FARP1: variants seen among roughly 807,000 people sequenced by gnomAD.
The protein encoded by FARP1 is FERM, ARHGEF and pleckstrin domain-containing protein 1.
In FARP1, 52 loss-of-function variants were observed where a neutral mutation model predicts 128.8. That is an observed-to-expected ratio of 0.40 (90% CI 0.32 to 0.51). The LOEUF is 0.51. Among genes scored for constraint, FARP1 ranks in the 20% least tolerant of loss-of-function variants. The probability of loss-of-function intolerance (pLI) is 0.45; values close to 1 mark genes in which losing one functional copy is unlikely to be tolerated. For synonymous variants in FARP1, 580 were observed against 551.8 expected (o/e 1.05, Z -0.72); for missense variants, 1,333 against 1,367.9 (o/e 0.97, Z 0.40).
intron 26 of FARP1, 50 bp from the exon 27 acceptor site, chr13:98,448,186 A>G (rs1215008028): frequency 3.4e-6 from 5 of 1,481,880 alleles, no homozygotes; most frequent in Non-Finnish European, 4.7e-6. Context: ...CCAAAGTGTC[A>G]GGAGTCCGTC....
At chr13:98,348,631 C>T (rs552756996) in intron 3 of FARP1, among the ~76,000 whole-genome samples, 7 of 152,328 alleles carry the variant, frequency 4.6e-5, no homozygotes, top group Admixed American at 3.9e-4. Flanking sequence ...CAGAAGCATC[C>T]GTAGACGATG....
chr13:98,393,059 G>C (rs957205487), intron 11 of FARP1, among the ~76,000 whole-genome samples: 2 of 152,166 alleles, frequency 1.3e-5, no homozygotes, highest in Non-Finnish European at 2.9e-5. Flanking sequence ...TTCAGTGCCT[G>C]TTTGATGGGG....
chr13:98,357,660 T>C (rs1243820400), intron 3 of FARP1, among the ~76,000 whole-genome samples: 2 of 152,196 alleles, frequency 1.3e-5, no homozygotes, highest in Admixed American at 1.3e-4. Flanking sequence ...AGAATAATTA[T>C]TTTCATGTCC....
At chr13:98,205,401 G>A (rs1880205463) in intron 1 of FARP1, among the ~76,000 whole-genome samples, 1 of 151,674 alleles carries the variant, frequency 6.6e-6, no homozygotes, top group Non-Finnish European at 1.5e-5. Context: ...TCAGTTCTCT[G>A]TGTTTTTTTT....
chr13:98,339,552 T>C (rs561496970), intron 2 of FARP1, among the ~76,000 whole-genome samples: 1 of 152,312 alleles, frequency 6.6e-6, no homozygotes, highest in South Asian at 2.1e-4. Context: ...TGGGTGCATT[T>C]CAGCCCTTAG....
At chr13:98,227,905 G>A (rs565042119) in intron 2 of FARP1, among the ~76,000 whole-genome samples, 5 of 152,312 alleles carry the variant, frequency 3.3e-5, no homozygotes, top group Admixed American at 2.0e-4. Context: ...CTACTAATAT[G>A]GGGTACATAA....
intron 1 of FARP1, among the ~76,000 whole-genome samples, chr13:98,164,894 A>G (rs1877133860): frequency 6.6e-6 from 1 of 151,780 alleles, no homozygotes; most frequent in African/African-American, 2.4e-5. Context: ...AGCCTGGCCA[A>G]CACGGTGAAA....
In FARP1 at chr13:98,440,317, C is replaced by T. The variant is rs571329770; in HGVS notation, c.2629+82C>T. On this transcript the variant is annotated intron_variant, in intron 23 of 26. Coordinates refer to ENST00000319562, the MANE Select transcript of FARP1 (RefSeq NM_005766.4). Reference sequence around the variant, plus strand: ...ATTTCTGCATCTAAAGCCACCCCATCGGGTAGGCCTCACATCCGTGGTGTA... The same window carrying T: ...ATTTCTGCATCTAAAGCCACCCCATTGGGTAGGCCTCACATCCGTGGTGTA... 15 of 980,156 alleles carry T rather than the reference C, an allele frequency of 1.5e-5. No homozygotes were observed. The East Asian group carries it at 1.9e-4, about 12-fold the overall frequency. 60.7% of individuals were successfully genotyped at this position (980,156 alleles called of 1,614,324 possible). A position where few individuals can be genotyped will look rare whatever the true frequency, so the allele number is the denominator to read the frequency against.
intron 1 of FARP1, among the ~76,000 whole-genome samples, chr13:98,189,798 G>C (rs1180358268): frequency 6.6e-6 from 1 of 152,094 alleles, no homozygotes; most frequent in African/African-American, 2.4e-5. Context: ...AGTTATAGAT[G>C]GTGTATTATC....
chr13:98,287,616 C>T (rs1354712161), intron 2 of FARP1, among the ~76,000 whole-genome samples: 3 of 151,978 alleles, frequency 2.0e-5, no homozygotes, highest in Non-Finnish European at 4.4e-5. Flanking sequence ...TGTTTGCCCC[C>T]TACCTGTTAT....
At chr13:98,356,440 G>T (rs1888645325) in intron 3 of FARP1, among the ~76,000 whole-genome samples, 1 of 152,052 alleles carries the variant, frequency 6.6e-6, no homozygotes, top group African/African-American at 2.4e-5. Context: ...TACCACTGAC[G>T]TATTATGCGC....
At chr13:98,187,288 A>G (rs1394415450) in intron 1 of FARP1, among the ~76,000 whole-genome samples, 1 of 152,194 alleles carries the variant, frequency 6.6e-6, no homozygotes, top group Non-Finnish European at 1.5e-5. Flanking sequence ...TGTTCTTTCA[A>G]CATATCTCAT....
At chr13:98,376,008 A>G (rs1889565406) in intron 5 of FARP1, among the ~76,000 whole-genome samples, 1 of 152,166 alleles carries the variant, frequency 6.6e-6, no homozygotes, top group Admixed American at 6.5e-5. Flanking sequence ...CTAGATATCT[A>G]AAAATCTATG....
chr13:98,277,486 A>G (rs1016059420), intron 2 of FARP1, among the ~76,000 whole-genome samples: 32 of 152,276 alleles, frequency 2.1e-4, no homozygotes, highest in African/African-American at 7.2e-4. Context: ...ATTAACATCT[A>G]CAAAGAGATG....
chr13:98,235,565 C>T (rs1015493849), intron 2 of FARP1, among the ~76,000 whole-genome samples: 1 of 152,038 alleles, frequency 6.6e-6, no homozygotes, highest in African/African-American at 2.4e-5. Context: ...AACATTTGAC[C>T]GATAGCTTAG....
intron 1 of FARP1, among the ~76,000 whole-genome samples, chr13:98,158,303 T>C: frequency 6.6e-6 from 1 of 152,224 alleles, no homozygotes; most frequent in East Asian, 1.9e-4. Flanking sequence ...GCTACACATA[T>C]AAAAAGTCAT....
At chr13:98,308,199 GT>G (rs948312940) in intron 2 of FARP1, among the ~76,000 whole-genome samples, 7 of 152,000 alleles carry the variant, frequency 4.6e-5, no homozygotes, top group African/African-American at 1.7e-4. Flanking sequence ...TGTTTACGTG[GT>G]TTTTCCCAAA....
At chr13:98,343,430 T>C (rs1888051727) in intron 2 of FARP1, among the ~76,000 whole-genome samples, 1 of 150,312 alleles carries the variant, frequency 6.7e-6, no homozygotes. Context: ...AACGGGACAC[T>C]GTGTAGCGCG....
chr13:98,367,295 T>G (rs1348791060), intron 4 of FARP1, among the ~76,000 whole-genome samples: 1 of 152,108 alleles, frequency 6.6e-6, no homozygotes, highest in Non-Finnish European at 1.5e-5. Context: ...TAGCTGGGAT[T>G]ATAGGCGCCC....
Sources: gnomAD v4.1 joint callset for allele counts (sites outside exome capture counted in the v4.1 genomes callset) on GRCh38, gnomAD v4.1.1 for gene constraint, MANE v1.5 for transcripts, NCBI Gene and HGNC (gene_info 2026-07-23, HGNC 2026-07-21) for gene names.